The following CUX2 variants were observed in gnomAD, a reference collection of about 807,000 sequenced individuals.
CUX2 encodes the protein cut like homeobox 2, also known as homeobox protein cut-like 2.
CUX2 carries 40 observed loss-of-function variants against 144.8 expected under a neutral mutation model. The ratio of observed to expected loss-of-function variants is 0.28; its 90% CI spans 0.21 to 0.36. The LOEUF (loss-of-function observed/expected upper bound fraction) is 0.36, where lower values mean the gene tolerates loss of function less well. Ranked by LOEUF, CUX2 falls within the 10% of genes least tolerant of loss-of-function variation. The pLI, the probability that CUX2 is intolerant of heterozygous loss-of-function variation, is 1.00. For synonymous variants in CUX2, 827 were observed against 875.6 expected (o/e 0.94, Z 0.98); for missense variants, 1,615 against 1,994.0 (o/e 0.81, Z 3.62).
Position 111,134,146 on chromosome 12 carries a change from A to G in CUX2, c.64-80054A>G, listed in dbSNP as rs144667071. 2.6e-3 allele frequency among the ~76,000 whole-genome samples: 395 copies of G among 152,260 alleles called. 1 individual carries two copies. Among genetic ancestry groups the G allele is most frequent in the African/African-American group, 8.8e-3 (366 of 41,550 alleles). ...TTTCAGGCCATTTATGTGGCACTTG[A>G]GCTGGTAACTTAAATCTCTAAACTC... is the stretch of plus-strand genomic sequence containing the variant. On this transcript the variant is annotated intron_variant, in intron 1 of 21. Coordinates refer to ENST00000261726, the MANE Select transcript of CUX2 (RefSeq NM_015267.4).
chr12:111,189,781 C>G (rs146766527), intron 1 of CUX2, among the ~76,000 whole-genome samples: 1 of 152,074 alleles, frequency 6.6e-6, no homozygotes, highest in Admixed American at 6.5e-5. Flanking sequence ...GTGATGCCGA[C>G]GCTGCTGGCC....
At chr12:111,174,316 A>G (rs1878715782) in intron 1 of CUX2, among the ~76,000 whole-genome samples, 1 of 152,206 alleles carries the variant, frequency 6.6e-6, no homozygotes, top group Non-Finnish European at 1.5e-5. Context: ...ATGGAGAGGC[A>G]CGGGACGTGT....
At chr12:111,051,816 A>G (rs190963808) in intron 1 of CUX2, among the ~76,000 whole-genome samples, 14 of 148,436 alleles carry the variant, frequency 9.4e-5, no homozygotes, top group Admixed American at 3.3e-4. Context: ...CTCTTTTACT[A>G]CTTTCTTTTG....
rs893692750 is a variant in CUX2, at chr12:111,255,695, C to T, written c.223-8066C>T. The stretch of plus-strand genomic sequence containing the variant: ...ATCTGTTAAATGGGATAGTCACACC[C>T]GCAGCGTGATGAGGGTTAAGCTAAT... On this transcript the variant is annotated intron_variant, in intron 3 of 21. Transcript: ENST00000261726. The surrounding 1 kb of genome is among the most constrained non-coding windows in gnomAD (Gnocchi z 4.1). Among the ~76,000 whole-genome samples, 2 of 152,190 alleles carry T rather than the reference C, an allele frequency of 1.3e-5. No homozygotes were observed. Among genetic ancestry groups the T allele is most frequent in the Admixed American group, 6.5e-5 (1 of 15,276 alleles).
At chr12:111,121,904 C>T (rs1293588121) in intron 1 of CUX2, among the ~76,000 whole-genome samples, 2 of 151,940 alleles carry the variant, frequency 1.3e-5, no homozygotes, top group Admixed American at 6.6e-5. Context: ...CCACCGAGAC[C>T]TAAAATACAT....
chr12:111,168,323 G>A (rs1370072896), intron 1 of CUX2, among the ~76,000 whole-genome samples: 2 of 152,170 alleles, frequency 1.3e-5, no homozygotes, highest in Admixed American at 1.3e-4. Flanking sequence ...GATCTGGGTT[G>A]CAGAAGATGT....
chr12:111,211,572 T>C (rs1017800191), intron 1 of CUX2, among the ~76,000 whole-genome samples: 4 of 152,174 alleles, frequency 2.6e-5, no homozygotes, highest in African/African-American at 9.7e-5. Flanking sequence ...AAGGCACCAG[T>C]GTCCCTGCAA....
intron 4 of CUX2, among the ~76,000 whole-genome samples, chr12:111,267,393 C>T (rs1029958436): frequency 7.9e-5 from 12 of 152,184 alleles, no homozygotes; most frequent in Non-Finnish European, 1.6e-4. Flanking sequence ...GCGTTTCACA[C>T]GCCCCATGGG....
rs746823888 is a variant in CUX2 at position 111,310,711 on chromosome 12, T to C, written c.1900+29T>C. 1.5e-5 allele frequency: 24 copies of C among 1,555,030 alleles called. No individual in the cohort carries two copies. The South Asian group carries it at 2.9e-4, about 19-fold the overall frequency. On this transcript the variant is annotated intron_variant, in intron 15 of 21. Transcript: ENST00000261726. The surrounding 1 kb of genome is among the most constrained non-coding windows in gnomAD (Gnocchi z 7.9). ...AGTGCCCAAGAGGGCCCGTCCCCGC[T>C]GGCCACCACGCCAGGTCCAGGGCAT...
At chr12:111,154,645 G>C (rs988874483) in intron 1 of CUX2, among the ~76,000 whole-genome samples, 7 of 152,170 alleles carry the variant, frequency 4.6e-5, no homozygotes, top group African/African-American at 1.7e-4. Flanking sequence ...GTTGATGTTT[G>C]ATAATAAAAT....
Position 111,062,222 on chromosome 12 carries a change from T to C in CUX2, c.63+27982T>C, listed in dbSNP as rs75926989. On this transcript the variant is annotated intron_variant, in intron 1 of 21. Transcript: ENST00000261726. ...GCCTGTGTGGCATGCACGTTTCTGTTGGGGACACCTTGTGTAGAGATAGAT... is the reference window on the plus strand; with the variant it reads ...GCCTGTGTGGCATGCACGTTTCTGTCGGGGACACCTTGTGTAGAGATAGAT... Among the ~76,000 whole-genome samples, 845 of 152,346 alleles carry C rather than the reference T, an allele frequency of 5.5e-3. 11 individuals are homozygous for C. The highest frequency in any genetic ancestry group is 0.019 in the African/African-American group (798 of 41,584).
Position 111,147,627 on chromosome 12 carries a change from A to G in CUX2, c.64-66573A>G, listed in dbSNP as rs184292002. On this transcript the variant is annotated intron_variant, in intron 1 of 21. Transcript: ENST00000261726. Reference sequence around the variant, plus strand: ...GCTCGATTGCATGGAGCAGGGTGTGATAACAGAGCCTGGCATTGAGAGGAG... The same window carrying G: ...GCTCGATTGCATGGAGCAGGGTGTGGTAACAGAGCCTGGCATTGAGAGGAG... Among the ~76,000 whole-genome samples the G allele has an allele frequency of 2.0e-5, 3 of 152,328 alleles. No individual in the cohort carries two copies. The East Asian group carries it at 5.8e-4, about 29-fold the overall frequency.
At chr12:111,169,951 T>C (rs1878413879) in intron 1 of CUX2, among the ~76,000 whole-genome samples, 1 of 151,890 alleles carries the variant, frequency 6.6e-6, no homozygotes, top group Non-Finnish European at 1.5e-5. Context: ...CCGCTAGAGA[T>C]TGTGTGTGGC....
chr12:111,278,956 G>A (rs1592911233), intron 4 of CUX2, among the ~76,000 whole-genome samples: 1 of 152,310 alleles, frequency 6.6e-6, no homozygotes, highest in East Asian at 1.9e-4. Context: ...CAGCAAGGTA[G>A]CTCAGGGCTC....
In CUX2 at chr12:111,263,811, T is replaced by C. The variant is rs868561431; in HGVS notation, c.273T>C (p.Ser91=). The change falls in exon 4 of 22, where the codon AGT becomes AGC. Residue 91 remains serine (S), a synonymous_variant. Coordinates refer to ENST00000261726, the MANE Select transcript of CUX2 (RefSeq NM_015267.4). The surrounding 1 kb of genome is among the most constrained non-coding windows in gnomAD (Gnocchi z 4.0). ...RSQEAEAAFL[S]VYKQLIEAPD... ...AGGAGGCGGAGGCTGCTTTTCTGAG[T>C]GTTTACAAGCAATTAATTGAAGCAC... 1 of 1,614,118 alleles carries C rather than the reference T, an allele frequency of 6.2e-7. No homozygotes were observed. Among genetic ancestry groups the C allele is most frequent in the South Asian group, 1.1e-5 (1 of 91,084 alleles).
At chr12:111,205,690 C>T (rs150629465) in intron 1 of CUX2, among the ~76,000 whole-genome samples, 33 of 152,262 alleles carry the variant, frequency 2.2e-4, no homozygotes, top group Admixed American at 1.8e-3. Context: ...CCTATGGGCA[C>T]GAATTCTTAG....
chr12:111,103,113 T>C (rs1462180732), intron 1 of CUX2, among the ~76,000 whole-genome samples: 1 of 152,166 alleles, frequency 6.6e-6, no homozygotes, highest in African/African-American at 2.4e-5. Flanking sequence ...GGTGAAGCTT[T>C]TTCTATTTCA....
intron 1 of CUX2, among the ~76,000 whole-genome samples, chr12:111,047,829 G>A (rs374793373): frequency 8.5e-5 from 13 of 152,226 alleles, no homozygotes; most frequent in South Asian, 2.1e-4. Context: ...AGGAAAGAGC[G>A]CTGAAATCAC....
intron 1 of CUX2, among the ~76,000 whole-genome samples, chr12:111,092,465 C>T (rs1175598359): frequency 6.6e-6 from 1 of 152,152 alleles, no homozygotes; most frequent in Non-Finnish European, 1.5e-5. Flanking sequence ...TAGTACCTTC[C>T]CAATGCGGCT....
Sources: allele counts gnomAD v4.1 joint callset (sites outside exome capture counted in the v4.1 genomes callset), GRCh38; gene constraint gnomAD v4.1.1; non-coding constraint Gnocchi (gnomAD v3.1); transcripts MANE v1.5; gene names NCBI Gene and HGNC (gene_info 2026-07-23, HGNC 2026-07-21).